THAP4: variants seen among roughly 807,000 people sequenced by gnomAD.
THAP4 encodes the protein THAP domain containing 4, also known as peroxynitrite isomerase THAP4.
Under a neutral mutation model 48.1 loss-of-function variants are expected in THAP4, and 18 were observed. The observed-to-expected ratio is 0.37, with a 90% CI of 0.26 to 0.56. The LOEUF is 0.56. Ranked by LOEUF, THAP4 falls within the 20% of genes least tolerant of loss-of-function variation. The pLI, the probability that THAP4 is intolerant of heterozygous loss-of-function variation, is 0.78. For synonymous variants in THAP4, 345 were observed against 324.9 expected (o/e 1.06, Z -0.66); for missense variants, 656 against 774.9 (o/e 0.85, Z 1.82).
chr2:241,611,363 A>G (rs1473516926), intron 2 of THAP4, among the ~76,000 whole-genome samples: 1 of 152,196 alleles, frequency 6.6e-6, no homozygotes, highest in African/African-American at 2.4e-5. Flanking sequence ...CTGAAGGCCC[A>G]GGCTGGCCTC....
chr2:241,617,540 G>T, intron 2 of THAP4: 3 of 1,331,842 alleles, frequency 2.3e-6, no homozygotes, highest in Non-Finnish European at 3.1e-6. Flanking sequence ...ACTTTAAATG[G>T]TGCATTCTGG....
chr2:241,601,709 A>C lies in THAP4; in HGVS notation c.1614+187T>G, dbSNP rs150933654. 126 of 1,076,760 alleles carry C rather than the reference A, an allele frequency of 1.2e-4. No individual in the cohort carries two copies. The African/African-American group carries it at 1.8e-3, about 16-fold the overall frequency. The allele number at this position is 1,076,760 out of a possible 1,614,324, so 66.7% of individuals were successfully genotyped here. A position where few individuals can be genotyped will look rare whatever the true frequency, so the allele number is the denominator to read the frequency against. On this transcript the variant is annotated intron_variant, in intron 5 of 5. Transcript: ENST00000407315. The surrounding 1 kb of genome is among the most constrained non-coding windows in gnomAD (Gnocchi z 4.0). ...AAACCACACCACTGACCAGCCGAGG[A>C]GGGGGCAATGAATTTAGGGAACATC...
intron 5 of THAP4, chr2:241,592,409 C>T (rs2066994764): frequency 6.6e-6 from 1 of 152,364 alleles, no homozygotes. Context: ...ACACTCAGTT[C>T]TCCCCTGGGG....
chr2:241,613,746 C>T (rs943007276), intron 2 of THAP4, among the ~76,000 whole-genome samples: 2 of 152,002 alleles, frequency 1.3e-5, no homozygotes, highest in African/African-American at 4.8e-5. Context: ...CAGAGCGAGA[C>T]CCTGTCTCAG....
At chr2:241,605,856 T>A (rs1309309056) in intron 3 of THAP4, among the ~76,000 whole-genome samples, 4 of 152,054 alleles carry the variant, frequency 2.6e-5, no homozygotes, top group African/African-American at 9.7e-5. Flanking sequence ...TAGCTGGGAC[T>A]ACAGGCATGT....
In THAP4 at chr2:241,584,447, T is replaced by G. The variant is rs2066866099; in HGVS notation, c.*159A>C. 2.8e-6 allele frequency: 2 copies of G among 704,514 alleles called. No individual in the cohort carries two copies. The highest frequency in any genetic ancestry group is 2.4e-6 in the Non-Finnish European group (1 of 420,094). 43.6% of individuals were successfully genotyped at this position (704,514 alleles called of 1,614,324 possible). On this transcript the variant is annotated 3_prime_UTR_variant, in exon 6 of 6. Coordinates refer to ENST00000407315, the MANE Select transcript of THAP4 (RefSeq NM_015963.6). Reference sequence around the variant, plus strand: ...AGCCATAAAAATAAAGGCCTTTTATTTGGTTTTTCTATGCCAGTACAGAAA... The same window carrying G: ...AGCCATAAAAATAAAGGCCTTTTATGTGGTTTTTCTATGCCAGTACAGAAA...
At position 241,601,911 on chromosome 2, in the gene THAP4, C is replaced by A; in HGVS notation, c.1599G>T (p.Glu533Asp). 1.2e-6 allele frequency: 2 copies of A among 1,613,970 alleles called. No individual in the cohort carries two copies. Among genetic ancestry groups the A allele is most frequent in the Middle Eastern group, 1.7e-4 (1 of 5,976 alleles). The part of the protein sequence containing the change: ...HSIARISFAK[E>D]PHVEQITRKF... ...CTGGGCTCACCTGCTCTACGTGGGG[C>A]TCCTTGGCGAAGGAGATCCTGGCGA... Residue 533 changes from glutamate (E) to aspartate (D), a missense_variant, in exon 5 of 6, where the codon GAG becomes GAT. Physicochemically the swap from Glu to Asp is conservative, Grantham distance 45 (BLOSUM62 2). Around this residue, in one of 4 missense-constraint regions of THAP4, gnomAD observed 176 missense variants for 256.7 expected, o/e 0.69. Coordinates refer to ENST00000407315, the MANE Select transcript of THAP4 (RefSeq NM_015963.6). This position sits in a 1 kb window ranked among gnomAD's most constrained non-coding sequence, Gnocchi z 4.0.
Position 241,603,050 on chromosome 2 carries a change from T to G in THAP4, c.1430A>C (p.Lys477Thr), listed in dbSNP as rs770996870. Reference sequence around the variant, plus strand: ...GAAGCCACACTCTCTGTGCATCGGCTTGCGCGTGTCCGGGTGGAAGGAGTT... The same window carrying G: ...GAAGCCACACTCTCTGTGCATCGGCGTGCGCGTGTCCGGGTGGAAGGAGTT... ...SFNSFHPDTR[K>T]PMHRECGFIR... Residue 477 changes from lysine (K) to threonine (T), a missense_variant, in exon 4 of 6, where the codon AAG becomes ACG. Physicochemically the swap from Lys to Thr is moderately conservative, Grantham distance 78. Coordinates refer to ENST00000407315, the MANE Select transcript of THAP4 (RefSeq NM_015963.6). 2.2e-5 allele frequency: 36 copies of G among 1,613,948 alleles called. No homozygotes were observed. The East Asian group carries it at 7.8e-4, about 35-fold the overall frequency.
rs1186144590 is a variant in THAP4, at chr2:241,610,566, G to C, written c.1241-4093C>G. ...ACAGACCACAGCGACCGCGCCCCTCGGCCCGGAGGCCCCGCCCTCCCCACT... is the reference window on the plus strand; with the variant it reads ...ACAGACCACAGCGACCGCGCCCCTCCGCCCGGAGGCCCCGCCCTCCCCACT... On this transcript the variant is annotated intron_variant, in intron 2 of 5. Transcript: ENST00000407315. The surrounding 1 kb of genome is among the most constrained non-coding windows in gnomAD (Gnocchi z 4.2). 6.6e-6 allele frequency among the ~76,000 whole-genome samples: 1 copy of C among 152,068 alleles called. No homozygotes were observed. Among genetic ancestry groups the C allele is most frequent in the Non-Finnish European group, 1.5e-5 (1 of 67,994 alleles).
intron 5 of THAP4, among the ~76,000 whole-genome samples, chr2:241,591,469 G>A (rs1338535678): frequency 2.0e-5 from 3 of 152,200 alleles, no homozygotes; most frequent in Non-Finnish European, 4.4e-5. Flanking sequence ...CCTCAATAGA[G>A]GTGATTTTTA....
At chr2:241,629,411 C>T (rs906916906) in intron 2 of THAP4, among the ~76,000 whole-genome samples, 2 of 150,988 alleles carry the variant, frequency 1.3e-5, no homozygotes, top group Admixed American at 6.6e-5. Context: ...GTCAAGGCTG[C>T]AGTGAGCTGT....
In THAP4 at chr2:241,620,397, T is replaced by A. The variant is rs531753881; in HGVS notation, c.1240+12520A>T. Among the ~76,000 whole-genome samples the A allele has an allele frequency of 2.4e-5, 2 of 83,678 alleles. 1 individual carries two copies. The highest frequency in any genetic ancestry group is 7.5e-4 in the East Asian group (2 of 2,682). 54.9% of individuals were successfully genotyped at this position (83,678 alleles called of 152,430 possible). On this transcript the variant is annotated intron_variant, in intron 2 of 5. Coordinates refer to ENST00000407315, the MANE Select transcript of THAP4 (RefSeq NM_015963.6). ...GGTGAGGGGTGAGTGAGTCAGTGAG[T>A]GAGGGGAGAGTGAGTCGGTGAGTGA...
intron 2 of THAP4, among the ~76,000 whole-genome samples, chr2:241,623,672 C>T (rs905030600): frequency 4.0e-5 from 6 of 151,746 alleles, no homozygotes; most frequent in Admixed American, 2.0e-4. Flanking sequence ...CACTGTTAAT[C>T]CCATGGCCAT....
chr2:241,591,135 C>T (rs1308287385), intron 5 of THAP4, among the ~76,000 whole-genome samples: 3 of 103,724 alleles, frequency 2.9e-5, no homozygotes, highest in Non-Finnish European at 6.2e-5. Context: ...GGCACTAGGA[C>T]ACTCAGAACT....
intron 1 of THAP4, among the ~76,000 whole-genome samples, chr2:241,635,319 T>C (rs1402640782): frequency 1.3e-5 from 2 of 152,028 alleles, no homozygotes; most frequent in East Asian, 1.9e-4. Context: ...TCATGTTACA[T>C]GTATTATACC....
Position 241,633,798 on chromosome 2 carries a change from G to A in THAP4, c.359C>T (p.Thr120Ile), listed in dbSNP as rs770401378. The change falls in exon 2 of 6, where the codon ACC (threonine) becomes ATC (isoleucine). Residue 120 changes from threonine to isoleucine, a missense_variant. Around this residue, in one of 4 missense-constraint regions of THAP4, gnomAD observed 391 missense variants for 412.4 expected, o/e 0.95. Transcript: ENST00000407315. This position sits in a 1 kb window ranked among gnomAD's most constrained non-coding sequence, Gnocchi z 7.5. ...TGACCAACCTGCAGCTCCTCTGCTG[G>A]TGGCGGCACTCGAGTGTCCCCTCAC... ...GGVRGHSSAA[T>I]SRGAAGWSPS... is the part of the protein sequence containing the mutation. 5.0e-6 allele frequency: 8 copies of A among 1,613,620 alleles called. No homozygotes were observed. Among genetic ancestry groups the A allele is most frequent in the African/African-American group, 1.3e-5 (1 of 74,926 alleles).
chr2:241,632,424 A>G (rs2067577188), intron 2 of THAP4, among the ~76,000 whole-genome samples: 1 of 152,126 alleles, frequency 6.6e-6, no homozygotes, highest in Admixed American at 6.5e-5. Flanking sequence ...AATTGAATAG[A>G]TGTTAAAATA....
intron 1 of THAP4, among the ~76,000 whole-genome samples, chr2:241,636,344 C>T (rs1217246784): frequency 6.6e-6 from 1 of 152,254 alleles, no homozygotes; most frequent in Admixed American, 6.5e-5. Context: ...CTGAAATAGG[C>T]TGAACTCACA....
chr2:241,599,346 C>T (rs148489650), intron 5 of THAP4, among the ~76,000 whole-genome samples: 1 of 152,130 alleles, frequency 6.6e-6, no homozygotes, highest in East Asian at 1.9e-4. Flanking sequence ...CCACTAGAGT[C>T]AGGGACAAGC....
Sources: gnomAD v4.1 joint callset for allele counts (sites outside exome capture counted in the v4.1 genomes callset) on GRCh38, gnomAD v4.1.1 for gene constraint, gnomAD v4.1.1 regional missense constraint, Gnocchi (gnomAD v3.1) non-coding constraint, MANE v1.5 for transcripts, NCBI Gene and HGNC (gene_info 2026-07-23, HGNC 2026-07-21) for gene names.